The following CACNA1D variants were observed in gnomAD, a reference collection of about 807,000 sequenced individuals.
The protein encoded by CACNA1D is voltage-dependent L-type calcium channel subunit alpha-1D.
In CACNA1D, 55 loss-of-function variants were observed where a neutral mutation model predicts 257.1. That is an observed-to-expected ratio of 0.21 (90% CI 0.17 to 0.27). CACNA1D has a LOEUF of 0.27. CACNA1D is among the 10% of genes least tolerant of loss of function. The pLI is 1.00. For synonymous variants in CACNA1D, 980 were observed against 1,014.9 expected, an observed-to-expected ratio of 0.97 and a Z score of 0.65; for missense variants, 1,876 against 2,784.0, an observed-to-expected ratio of 0.67 and a Z score of 7.34.
chr3:53,779,890 C>T, intron 37 of CACNA1D, 136 bp from the exon 38 acceptor site: 1 of 726,948 alleles, frequency 1.4e-6, no homozygotes. Context: ...ATATGCGTAC[C>T]CCCAAATGGC....
chr3:53,811,079 A>AC lies in CACNA1D; in HGVS notation c.6193-29dup. On this transcript the variant is annotated intron_variant, in intron 47 of 47. Transcript: ENST00000350061. This position sits in a 1 kb window ranked among gnomAD's most constrained non-coding sequence, Gnocchi z 4.2. ...CCCCTGCCCTGCAAAGCCTTATAAC[A>AC]CCCCCATGCCATCCATCCCTCTTTT... 1 of 1,585,276 alleles carries AC rather than the reference A, an allele frequency of 6.3e-7. No homozygotes were observed.
chr3:53,714,898 A>C (rs557872263), intron 9 of CACNA1D, among the ~76,000 whole-genome samples: 82 of 152,206 alleles, frequency 5.4e-4, no homozygotes, highest in African/African-American at 1.9e-3. Context: ...ATTGGGGCTA[A>C]AGGAAGGGAA....
At chr3:53,585,731 C>T (rs572101128) in intron 3 of CACNA1D, among the ~76,000 whole-genome samples, 23 of 152,186 alleles carry the variant, frequency 1.5e-4, no homozygotes, top group African/African-American at 5.5e-4. Flanking sequence ...TGGGGAGGGG[C>T]TATTGGGAGG....
At chr3:53,626,616 T>C (rs539571555) in intron 3 of CACNA1D, among the ~76,000 whole-genome samples, 36 of 152,242 alleles carry the variant, frequency 2.4e-4, no homozygotes, top group African/African-American at 8.4e-4. Context: ...CAGGTGTCAC[T>C]GTGAGGGGAA....
Position 53,723,429 on chromosome 3 carries a change from T to C in CACNA1D, c.1667-5T>C. On this transcript the variant is annotated splice_region_variant and splice_polypyrimidine_tract_variant and intron_variant, in intron 12 of 47. Coordinates refer to ENST00000350061, the MANE Select transcript of CACNA1D (RefSeq NM_001128840.3). The surrounding 1 kb of genome is among the most constrained non-coding windows in gnomAD (Gnocchi z 5.6). Reference sequence around the variant, plus strand: ...CTGAGGATGGGTGCCCCTTTGTCTTTCCAGATATTGCCAACAAAGTCCTCT... The same window carrying C: ...CTGAGGATGGGTGCCCCTTTGTCTTCCCAGATATTGCCAACAAAGTCCTCT... 1 of 1,612,616 alleles carries C rather than the reference T, an allele frequency of 6.2e-7. No homozygotes were observed.
intron 40 of CACNA1D, among the ~76,000 whole-genome samples, chr3:53,790,469 G>A (rs749566362): frequency 1.1e-4 from 16 of 152,256 alleles, no homozygotes; most frequent in Non-Finnish European, 2.2e-4. Flanking sequence ...AGGACACTAT[G>A]TCCCCCACTC....
chr3:53,588,865 A>C (rs1442913857), intron 3 of CACNA1D, among the ~76,000 whole-genome samples: 1 of 152,186 alleles, frequency 6.6e-6, no homozygotes, highest in African/African-American at 2.4e-5. Context: ...TGGAAAAAAA[A>C]AGTAACTGTC....
At chr3:53,520,935 T>G (rs1002597313) in intron 3 of CACNA1D, among the ~76,000 whole-genome samples, 2 of 151,256 alleles carry the variant, frequency 1.3e-5, no homozygotes, top group Admixed American at 6.6e-5. Flanking sequence ...TTTTCTTTCT[T>G]TCTCCTTTCC....
At chr3:53,505,204 G>T (rs2090785415) in intron 3 of CACNA1D, among the ~76,000 whole-genome samples, 1 of 151,132 alleles carries the variant, frequency 6.6e-6, no homozygotes, top group South Asian at 2.1e-4. Flanking sequence ...CGCCTCTGGG[G>T]TTCATACCTC....
chr3:53,643,160 G>A (rs2093980695), intron 3 of CACNA1D, among the ~76,000 whole-genome samples: 1 of 152,212 alleles, frequency 6.6e-6, no homozygotes, highest in Non-Finnish European at 1.5e-5. Context: ...CGAAGGTGAA[G>A]AAAGATGAGG....
intron 3 of CACNA1D, among the ~76,000 whole-genome samples, chr3:53,604,775 G>A (rs1161536626): frequency 6.6e-6 from 1 of 152,184 alleles, no homozygotes; most frequent in East Asian, 1.9e-4. Context: ...GACAGACTCT[G>A]ACCCTCTACC....
intron 3 of CACNA1D, among the ~76,000 whole-genome samples, chr3:53,524,737 G>C (rs2091698919): frequency 6.6e-6 from 1 of 152,148 alleles, no homozygotes; most frequent in South Asian, 2.1e-4. Flanking sequence ...TGAATTTCTT[G>C]GATCATTGCC....
chr3:53,734,570 C>T (rs924771669), intron 19 of CACNA1D, among the ~76,000 whole-genome samples: 5 of 151,978 alleles, frequency 3.3e-5, no homozygotes, highest in Admixed American at 1.3e-4. Context: ...GCTAACCAGG[C>T]GCAGGGCACA....
chr3:53,600,394 A>G (rs1169876662), intron 3 of CACNA1D, among the ~76,000 whole-genome samples: 2 of 152,180 alleles, frequency 1.3e-5, no homozygotes, highest in Non-Finnish European at 2.9e-5. Context: ...TTGGGCTGTC[A>G]TTAGACTGTA....
At chr3:53,594,635 A>G (rs562011033) in intron 3 of CACNA1D, among the ~76,000 whole-genome samples, 1 of 152,252 alleles carries the variant, frequency 6.6e-6, no homozygotes, top group East Asian at 1.9e-4. Context: ...AGAATTTTCC[A>G]GGCGGAAGGA....
chr3:53,610,581 C>T (rs887772041), intron 3 of CACNA1D, among the ~76,000 whole-genome samples: 1 of 152,104 alleles, frequency 6.6e-6, no homozygotes, highest in African/African-American at 2.4e-5. Context: ...TTTAGTTGGG[C>T]TTTATTGTTC....
intron 9 of CACNA1D, among the ~76,000 whole-genome samples, chr3:53,709,006 G>A (rs1240244946): frequency 6.6e-6 from 1 of 152,166 alleles, no homozygotes; most frequent in African/African-American, 2.4e-5. Context: ...AATGGACTAT[G>A]CACTCTACAG....
At chr3:53,506,337 C>T (rs1303298630) in intron 3 of CACNA1D, among the ~76,000 whole-genome samples, 2 of 152,174 alleles carry the variant, frequency 1.3e-5, no homozygotes, top group Non-Finnish European at 2.9e-5. Context: ...AGACACCAGC[C>T]CCTTTCCCCT....
Position 53,722,364 on chromosome 3 carries a change from C to T in CACNA1D, c.1556C>T (p.Ala519Val). The change falls in exon 12 of 48, where the codon GCC becomes GTC. Residue 519 changes from alanine (A) to valine (V), a missense_variant. Ala to Val is a moderately conservative substitution (Grantham distance 64). Coordinates refer to ENST00000350061, the MANE Select transcript of CACNA1D (RefSeq NM_001128840.3). ...TTCAATCGCAGAAGATGTAGGGCCG[C>T]CGTGAAGTCTGTCACGTTTTACTGG... ...NRFNRRRCRA[A>V]VKSVTFYWLV... 6.2e-7 allele frequency: 1 copy of T among 1,614,230 alleles called. No homozygotes were observed. Among genetic ancestry groups the T allele is most frequent in the Middle Eastern group, 1.6e-4 (1 of 6,062 alleles).
Sources: gnomAD v4.1 joint callset for allele counts (sites outside exome capture counted in the v4.1 genomes callset) on GRCh38, gnomAD v4.1.1 for gene constraint, Gnocchi (gnomAD v3.1) non-coding constraint, MANE v1.5 for transcripts, NCBI Gene and HGNC (gene_info 2026-07-23, HGNC 2026-07-21) for gene names.